The following PLEKHH2 variants were observed in gnomAD, a reference collection of about 807,000 sequenced individuals.
The protein encoded by PLEKHH2 is pleckstrin homology, MyTH4 and FERM domain containing H2.
Under a neutral mutation model 187.9 loss-of-function variants are expected in PLEKHH2, and 129 were observed. That is an observed-to-expected ratio of 0.69 (90% CI 0.59 to 0.79). PLEKHH2 has a LOEUF of 0.79. PLEKHH2 is among the 30% of genes least tolerant of loss of function. PLEKHH2 has a pLI of 0.00. For missense variants in PLEKHH2, 2,076 were observed against 1,751.2 expected, an observed-to-expected ratio of 1.19 and a Z score of -3.31; for synonymous variants, 686 against 605.6, an observed-to-expected ratio of 1.13 and a Z score of -1.95.
chr2:43,689,995 A>G (rs1243572606), intron 3 of PLEKHH2, among the ~76,000 whole-genome samples: 1 of 152,152 alleles, frequency 6.6e-6, no homozygotes, highest in East Asian at 1.9e-4. Flanking sequence ...GTCTGGTAGC[A>G]TTTATTTTTA....
At chr2:43,736,053 G>T (rs554766012) in intron 19 of PLEKHH2, among the ~76,000 whole-genome samples, 2 of 151,978 alleles carry the variant, frequency 1.3e-5, no homozygotes, top group Non-Finnish European at 2.9e-5. Context: ...ATTACATAAA[G>T]TTTGTTATTA....
intron 13 of PLEKHH2, 40 bp from the exon 14 acceptor site, chr2:43,710,449 A>C: frequency 6.3e-7 from 1 of 1,586,924 alleles, no homozygotes; most frequent in Non-Finnish European, 8.5e-7. Context: ...TATTACTGTT[A>C]AAGTTAATCA....
At chr2:43,706,926 G>A (rs1016775034) in intron 10 of PLEKHH2, among the ~76,000 whole-genome samples, 7 of 152,106 alleles carry the variant, frequency 4.6e-5, no homozygotes, top group Non-Finnish European at 8.8e-5. Context: ...GGCTGGGCAC[G>A]GTGGCTCACG....
intron 11 of PLEKHH2, among the ~76,000 whole-genome samples, chr2:43,707,924 C>G (rs1669742550): frequency 2.0e-5 from 3 of 152,222 alleles, no homozygotes; most frequent in Non-Finnish European, 4.4e-5. Context: ...GTCAATTAAT[C>G]TGATGTTAAA....
intron 3 of PLEKHH2, among the ~76,000 whole-genome samples, chr2:43,685,909 C>T (rs1193674660): frequency 6.6e-6 from 1 of 152,130 alleles, no homozygotes; most frequent in Admixed American, 6.6e-5. Context: ...TAGGTGGATA[C>T]CTTAATATAT....
intron 19 of PLEKHH2, among the ~76,000 whole-genome samples, chr2:43,732,490 A>G (rs1248613753): frequency 6.6e-6 from 1 of 152,174 alleles, no homozygotes; most frequent in Admixed American, 6.5e-5. Flanking sequence ...TCTAAATTCC[A>G]GTAAGCTTCA....
chr2:43,744,704 C>T (rs1272451187), intron 23 of PLEKHH2, among the ~76,000 whole-genome samples: 11 of 151,462 alleles, frequency 7.3e-5, no homozygotes, highest in African/African-American at 2.7e-4. Context: ...CCCATCTCTA[C>T]TAAAAATACA....
At position 43,765,812 on chromosome 2, in the gene PLEKHH2, TC is replaced by T; in HGVS notation, c.*215del. On this transcript the variant is annotated 3_prime_UTR_variant, in exon 30 of 30. Coordinates refer to ENST00000282406, the MANE Select transcript of PLEKHH2 (RefSeq NM_172069.4). ...ACAAAATTTGCCAACACACTAATTT[TC>T]TTATAGAGTAAATGAGTAAGAATTC... The T allele has an allele frequency of 2.3e-6, 1 of 437,566 alleles. No individual in the cohort carries two copies. The highest frequency in any genetic ancestry group is 7.2e-5 in the South Asian group (1 of 13,838). The allele number at this position is 437,566 out of a possible 1,614,324, so 27.1% of individuals were successfully genotyped here.
intron 16 of PLEKHH2, among the ~76,000 whole-genome samples, chr2:43,722,359 A>G (rs1287539269): frequency 6.6e-6 from 1 of 152,162 alleles, no homozygotes; most frequent in African/African-American, 2.4e-5. Context: ...GGGAGTGGTA[A>G]AAGTTAGGGA....
intron 16 of PLEKHH2, among the ~76,000 whole-genome samples, chr2:43,725,184 C>G (rs1423728285): frequency 6.6e-6 from 1 of 152,156 alleles, no homozygotes. Context: ...TTTATCAGCT[C>G]TGTCTCATTC....
At chr2:43,757,070 T>C (rs1489361452) in intron 25 of PLEKHH2, 49 bp from the exon 26 acceptor site, 1 of 1,400,132 alleles carries the variant, frequency 7.1e-7, no homozygotes, top group Non-Finnish European at 9.5e-7. Context: ...TGATTTTCTG[T>C]CTTAAAACTC....
In PLEKHH2 at chr2:43,719,686, G is replaced by A. The variant is rs139749868; in HGVS notation, c.2461-983G>A. On this transcript the variant is annotated intron_variant, in intron 15 of 29. Coordinates refer to ENST00000282406, the MANE Select transcript of PLEKHH2 (RefSeq NM_172069.4). ...AACTCCTGACCTCAGGTGATCCACC[G>A]CCTCGGCCTCCAAAGTCCTGGGATT... 2.7e-3 allele frequency among the ~76,000 whole-genome samples: 414 copies of A among 152,270 alleles called. 4 individuals carry two copies. Among genetic ancestry groups the A allele is most frequent in the Non-Finnish European group, 3.1e-3 (213 of 68,010 alleles).
At position 43,731,505 on chromosome 2, in the gene PLEKHH2, G is replaced by A; in HGVS notation, c.2846G>A (p.Arg949Lys). Residue 949 changes from arginine (R) to lysine (K), a missense_variant, in exon 19 of 30, where the codon AGA (arginine) becomes AAA (lysine). By Grantham distance (26) the Arg-to-Lys change is conservative. Coordinates refer to ENST00000282406, the MANE Select transcript of PLEKHH2 (RefSeq NM_172069.4). ...CTGCATTTAGCCTCTCAGATATGGA[G>A]ACACCCCACTTTGTGTCACAGTAAA... ...IDGEPSSQIW[R>K]HPTLCHSKEG... The A allele has an allele frequency of 6.3e-7, 1 of 1,595,980 alleles. No individual in the cohort carries two copies. The highest frequency in any genetic ancestry group is 1.1e-5 in the South Asian group (1 of 90,306).
chr2:43,684,165 T>C (rs1200724527), intron 3 of PLEKHH2, among the ~76,000 whole-genome samples: 1 of 152,102 alleles, frequency 6.6e-6, no homozygotes, highest in Non-Finnish European at 1.5e-5. Flanking sequence ...TATGATACTA[T>C]ACTCCCCTTC....
intron 13 of PLEKHH2, 55 bp downstream of exon 13, chr2:43,710,385 C>A (rs142570902): frequency 2.5e-6 from 4 of 1,587,322 alleles, no homozygotes; most frequent in Non-Finnish European, 2.6e-6. Flanking sequence ...ATAAATCAGA[C>A]GCCTGATTGA....
chr2:43,762,182 T>A (rs1162109216), intron 27 of PLEKHH2, 122 bp from the exon 28 acceptor site: 1 of 727,202 alleles, frequency 1.4e-6, no homozygotes, highest in Admixed American at 2.5e-5. Flanking sequence ...GCGAGATTTT[T>A]AATAAATTTT....
chr2:43,755,833 G>T (rs545614126), intron 25 of PLEKHH2, among the ~76,000 whole-genome samples: 2 of 152,286 alleles, frequency 1.3e-5, no homozygotes, highest in Admixed American at 6.5e-5. Flanking sequence ...TGGTGAATGG[G>T]TGACAGCAAC....
Position 43,710,584 on chromosome 2 carries a change from C to CTTTTTTTTTTTTTTTTTTTTTTTTTTATT in PLEKHH2, c.2301+33_2301+34insTTATTTTTTTTTTTTTTTTTTTTTTTTTT. ...ACAAACAAACAGTTCAGGTACTTAA[C>CTTTTTTTTTTTTTTTTTTTTTTTTTTATT]TTTTTTTTTTTTTTTTTTTTTTTTG... On this transcript the variant is annotated intron_variant, in intron 14 of 29. Coordinates refer to ENST00000282406, the MANE Select transcript of PLEKHH2 (RefSeq NM_172069.4). 1 of 1,241,308 alleles carries CTTTTTTTTTTTTTTTTTTTTTTTTTTATT rather than the reference C, an allele frequency of 8.1e-7. No homozygotes were observed. Among genetic ancestry groups the CTTTTTTTTTTTTTTTTTTTTTTTTTTATT allele is most frequent in the Non-Finnish European group, 1.0e-6 (1 of 972,022 alleles). 76.9% of individuals were successfully genotyped at this position (1,241,308 alleles called of 1,614,324 possible). A position where few individuals can be genotyped will look rare whatever the true frequency, so the allele number is the denominator to read the frequency against.
At chr2:43,677,641 C>T (rs1364456427) in intron 2 of PLEKHH2, among the ~76,000 whole-genome samples, 2 of 152,094 alleles carry the variant, frequency 1.3e-5, no homozygotes, top group East Asian at 3.9e-4. Context: ...TCAATCTTTT[C>T]CCCACCTTTC....
Sources: gnomAD v4.1 joint callset for allele counts (sites outside exome capture counted in the v4.1 genomes callset) on GRCh38, gnomAD v4.1.1 for gene constraint, MANE v1.5 for transcripts, NCBI Gene and HGNC (gene_info 2026-07-23, HGNC 2026-07-21) for gene names.